Variants in GDPD1 observed in about 807,000 individuals in gnomAD.
The protein encoded by GDPD1 is glycerophosphodiester phosphodiesterase domain containing 1.
GDPD1 carries 28 observed loss-of-function variants against 45.1 expected under a neutral mutation model. The ratio of observed to expected loss-of-function variants is 0.62; its 90% CI spans 0.46 to 0.85. GDPD1 has a LOEUF of 0.85. Ranked by LOEUF, GDPD1 falls within the 40% of genes least tolerant of loss-of-function variation. The pLI, the probability that GDPD1 is intolerant of heterozygous loss-of-function variation, is 0.00. For missense variants in GDPD1, 256 were observed against 364.8 expected (o/e 0.70, Z 2.43); for synonymous variants, 139 against 131.4 (o/e 1.06, Z -0.40).
intron 7 of GDPD1, among the ~76,000 whole-genome samples, chr17:59,267,914 C>T (rs149477408): frequency 7.9e-4 from 120 of 152,150 alleles, no homozygotes; most frequent in African/African-American, 2.8e-3. Flanking sequence ...AGATGATCCA[C>T]CCACCTCCTC....
In GDPD1 at chr17:59,275,234, A is replaced by G. The variant is rs1367866851; in HGVS notation, c.*1461A>G. ...GTTAAAGAGGAAAAATAAAACGGAA[A>G]AAAGCTTGGAAATCAGTGATGTGTA... On this transcript the variant is annotated 3_prime_UTR_variant, in exon 10 of 10. Coordinates refer to ENST00000284116, the MANE Select transcript of GDPD1 (RefSeq NM_182569.4). 1 of 1,513,000 alleles carries G rather than the reference A, an allele frequency of 6.6e-7. No individual in the cohort carries two copies. Among genetic ancestry groups the G allele is most frequent in the Non-Finnish European group, 8.9e-7 (1 of 1,125,036 alleles). The allele number at this position is 1,513,000 out of a possible 1,614,324, so 93.7% of individuals were successfully genotyped here.
chr17:59,240,835 A>G (rs781744712), intron 2 of GDPD1, among the ~76,000 whole-genome samples: 10 of 152,200 alleles, frequency 6.6e-5, no homozygotes, highest in Non-Finnish European at 1.5e-4. Context: ...AGTACTGTAT[A>G]GTAATGTCCT....
intron 2 of GDPD1, among the ~76,000 whole-genome samples, chr17:59,238,432 G>A (rs112749591): frequency 0.3 from 43,383 of 142,638 alleles, 7,017 homozygotes; most frequent in African/African-American, 0.45. Context: ...TTTTTTTTCC[G>A]AGACGGAGTC....
At chr17:59,254,551 A>G (rs1257691449) in intron 4 of GDPD1, among the ~76,000 whole-genome samples, 1 of 152,160 alleles carries the variant, frequency 6.6e-6, no homozygotes, top group African/African-American at 2.4e-5. Context: ...ACATATATAT[A>G]TAAGCTATCT....
chr17:59,257,890 A>G (rs777510515), intron 6 of GDPD1, 50 bp downstream of exon 6: 7 of 1,214,854 alleles, frequency 5.8e-6, no homozygotes. Context: ...GTTGTTTTGT[A>G]TCTACAAATG....
At chr17:59,251,991 CAAAAAAAAAA>C (rs34224346) in intron 4 of GDPD1, among the ~76,000 whole-genome samples, 1 of 60,922 alleles carries the variant, frequency 1.6e-5, no homozygotes, top group Non-Finnish European at 3.2e-5. Flanking sequence ...GACTCAGTCT[CAAAAAAAAAA>C]AAAAAAAAAA....
At chr17:59,252,652 C>T (rs1229504680) in intron 4 of GDPD1, among the ~76,000 whole-genome samples, 1 of 151,848 alleles carries the variant, frequency 6.6e-6, no homozygotes, top group Non-Finnish European at 1.5e-5. Context: ...GAGCAGAGAT[C>T]GTGCCACTGC....
Position 59,229,654 on chromosome 17 carries a change from C to T in GDPD1, c.143-4838C>T, listed in dbSNP as rs183047848. 1.4e-4 allele frequency among the ~76,000 whole-genome samples: 21 copies of T among 152,222 alleles called. No homozygotes were observed. The East Asian group carries it at 2.7e-3, about 20-fold the overall frequency. ...CTGGGATTACAGGCATGAGCCACCA[C>T]GCCCAGCCATAAATTTTTTAAAAAG... is the stretch of plus-strand genomic sequence containing the variant. On this transcript the variant is annotated intron_variant, in intron 1 of 9. Coordinates refer to ENST00000284116, the MANE Select transcript of GDPD1 (RefSeq NM_182569.4).
At chr17:59,262,531 G>A (rs972748985) in intron 6 of GDPD1, among the ~76,000 whole-genome samples, 2 of 152,132 alleles carry the variant, frequency 1.3e-5, no homozygotes, top group Non-Finnish European at 2.9e-5. Flanking sequence ...GCCTGGAAGA[G>A]CAGATTTAGG....
At chr17:59,272,511 T>C (rs2047451515) in intron 8 of GDPD1, among the ~76,000 whole-genome samples, 1 of 152,200 alleles carries the variant, frequency 6.6e-6, no homozygotes. Context: ...CTCTTTTCCA[T>C]TGAGCTGTGC....
At chr17:59,227,905 T>TA (rs1209140555) in intron 1 of GDPD1, among the ~76,000 whole-genome samples, 2 of 152,120 alleles carry the variant, frequency 1.3e-5, no homozygotes, top group African/African-American at 4.8e-5. Flanking sequence ...CACAGTGGCT[T>TA]ACGCCTGTAA....
At position 59,250,092 on chromosome 17, in the gene GDPD1, T is replaced by C. The variant is rs569755822; in HGVS notation, c.367+1307T>C. ...ATAAAAATCAGAAAAAATTTAACATTAGCTATTTCTAAGGGATATTTAAAC... is the reference window on the plus strand; with the variant it reads ...ATAAAAATCAGAAAAAATTTAACATCAGCTATTTCTAAGGGATATTTAAAC... On this transcript the variant is annotated intron_variant, in intron 4 of 9. Transcript: ENST00000284116. Among the ~76,000 whole-genome samples, 11 of 152,198 alleles carry C rather than the reference T, an allele frequency of 7.2e-5. No homozygotes were observed. The East Asian group carries it at 2.1e-3, about 29-fold the overall frequency.
intron 4 of GDPD1, among the ~76,000 whole-genome samples, chr17:59,250,950 C>A (rs1390571746): frequency 6.6e-6 from 1 of 152,010 alleles, no homozygotes; most frequent in African/African-American, 2.4e-5. Flanking sequence ...TTTACCTGAC[C>A]CCCCCTTGCC....
At chr17:59,273,420 G>A (rs935826778) in intron 9 of GDPD1, among the ~76,000 whole-genome samples, 7 of 151,948 alleles carry the variant, frequency 4.6e-5, no homozygotes, top group African/African-American at 1.7e-4. Flanking sequence ...GAGCCACCGC[G>A]CTCAGCCAGG....
At chr17:59,247,141 TAC>T (rs769126260) in intron 3 of GDPD1, among the ~76,000 whole-genome samples, 1 of 152,062 alleles carries the variant, frequency 6.6e-6, no homozygotes, top group Non-Finnish European at 1.5e-5. Flanking sequence ...GAGTGGAAAA[TAC>T]AGAGTTCCCA....
chr17:59,265,411 G>GT (rs2147903478), intron 6 of GDPD1, among the ~76,000 whole-genome samples: 1 of 151,748 alleles, frequency 6.6e-6, no homozygotes, highest in African/African-American at 2.4e-5. Flanking sequence ...GGTGGTGCAT[G>GT]TCTGTAGTCC....
chr17:59,230,609 C>T (rs1025835727), intron 1 of GDPD1, among the ~76,000 whole-genome samples: 8 of 151,656 alleles, frequency 5.3e-5, no homozygotes, highest in Non-Finnish European at 8.8e-5. Flanking sequence ...CTTGAACTCC[C>T]GACCTCAGGT....
In GDPD1 at chr17:59,257,847, T is replaced by C; in HGVS notation, c.576+7T>C. 9.9e-6 allele frequency: 15 copies of C among 1,517,512 alleles called. No individual in the cohort carries two copies. Among genetic ancestry groups the C allele is most frequent in the Non-Finnish European group, 1.4e-5 (15 of 1,099,562 alleles). 94.0% of individuals were successfully genotyped at this position (1,517,512 alleles called of 1,614,324 possible). ...AGAAAAGTGCTACAAAGAGGTAAGCTTCAAAAATGATACAGAATTATCTAT... is the reference window on the plus strand; with the variant it reads ...AGAAAAGTGCTACAAAGAGGTAAGCCTCAAAAATGATACAGAATTATCTAT... On this transcript the variant is annotated splice_region_variant and intron_variant, in intron 6 of 9. Transcript: ENST00000284116.
In GDPD1 at chr17:59,275,227, A is replaced by G; in HGVS notation, c.*1454A>G. 2 of 1,528,782 alleles carry G rather than the reference A, an allele frequency of 1.3e-6. No homozygotes were observed. Among genetic ancestry groups the G allele is most frequent in the Non-Finnish European group, 1.8e-6 (2 of 1,139,334 alleles). 94.7% of individuals were successfully genotyped at this position (1,528,782 alleles called of 1,614,324 possible). On this transcript the variant is annotated 3_prime_UTR_variant, in exon 10 of 10. Coordinates refer to ENST00000284116, the MANE Select transcript of GDPD1 (RefSeq NM_182569.4). ...TACCTTAGTTAAAGAGGAAAAATAA[A>G]ACGGAAAAAAGCTTGGAAATCAGTG...
Sources: allele counts gnomAD v4.1 joint callset (sites outside exome capture counted in the v4.1 genomes callset), GRCh38; gene constraint gnomAD v4.1.1; transcripts MANE v1.5; gene names NCBI Gene and HGNC (gene_info 2026-07-23, HGNC 2026-07-21).